Variants in SHPRH observed in about 807,000 individuals in gnomAD.
SHPRH encodes SNF2 histone linker PHD RING helicase, also known as E3 ubiquitin-protein ligase SHPRH.
In SHPRH, 106 loss-of-function variants were observed where a neutral mutation model predicts 202.5. The ratio of observed to expected loss-of-function variants is 0.52; its 90% confidence interval spans 0.45 to 0.62. SHPRH has a LOEUF of 0.62. Ranked by LOEUF, SHPRH falls within the 20% of genes least tolerant of loss-of-function variation. The pLI is 0.00. For missense variants in SHPRH, 1,710 were observed against 2,020.0 expected, an observed-to-expected ratio of 0.85 and a Z score of 2.94; for synonymous variants, 729 against 686.0, an observed-to-expected ratio of 1.06 and a Z score of -0.98.
At position 145,922,228 on chromosome 6, in the gene SHPRH, C is replaced by G. The variant is rs547333276; in HGVS notation, c.3782+58G>C. On this transcript the variant is annotated intron_variant, in intron 20 of 29. Transcript: ENST00000275233. ...GAAAACATAGTCTTATATCACATAA[C>G]TGAGTCTTGCAAAATGTTTCATTTT... 276 of 1,458,304 alleles carry G rather than the reference C, an allele frequency of 1.9e-4. 6 individuals are homozygous for G. In the South Asian group the frequency reaches 2.8e-3, roughly 15 times the overall value. The allele number at this position is 1,458,304 out of a possible 1,614,324, so 90.3% of individuals were successfully genotyped here.
In SHPRH at chr6:145,941,820, G is replaced by A; in HGVS notation, c.2293C>T (p.Gln765Ter). 6.2e-7 allele frequency: 1 copy of A among 1,613,892 alleles called. No individual in the cohort carries two copies. Among genetic ancestry groups the A allele is most frequent in the Non-Finnish European group, 8.5e-7 (1 of 1,179,914 alleles). The stretch of plus-strand genomic sequence containing the variant: ...TCATAGGTAATGATAACTATATCCT[G>A]TTCTGCCAAAAAATGAGGTTGTAAA... ...GFLQPHFLAE[Q>*]DIVIITYDVL... The change falls in exon 10 of 30, where the codon CAG (glutamine) becomes TAG (stop). Residue 765 changes from glutamine to a stop codon, truncating the protein, a stop_gained. Coordinates refer to ENST00000275233, the MANE Select transcript of SHPRH (RefSeq NM_001042683.3). LOFTEE classifies it high-confidence loss of function.
chr6:145,869,824 T>TC (rs1779973892), intron 2 of SHPRH, among the ~76,000 whole-genome samples: 1 of 151,108 alleles, frequency 6.6e-6, no homozygotes, highest in Non-Finnish European at 1.5e-5. Context: ...CTTTTCTTTT[T>TC]TTTTTTTTTG....
intron 24 of SHPRH, among the ~76,000 whole-genome samples, chr6:145,912,239 AG>A (rs1169656961): frequency 2.6e-5 from 4 of 151,940 alleles, no homozygotes; most frequent in Admixed American, 2.6e-4. Context: ...CTAAATTAGA[AG>A]GGGGGAGAAC....
chr6:145,862,834 A>C (rs867588562), downstream of SHPRH: 1 of 152,198 alleles, frequency 6.6e-6, no homozygotes, highest in Admixed American at 6.5e-5. Flanking sequence ...TCAAATTCTC[A>C]TAAGTGTCTT....
intron 29 of SHPRH, among the ~76,000 whole-genome samples, chr6:145,887,604 T>C (rs1382330588): frequency 6.6e-6 from 1 of 151,168 alleles, no homozygotes; most frequent in Non-Finnish European, 1.5e-5. Context: ...GGCACGATCT[T>C]GGCTCACTGC....
rs202183131 is a variant in SHPRH at position 145,935,363 on chromosome 6, G to C, written c.2648C>G (p.Pro883Arg). 5.6e-5 allele frequency: 91 copies of C among 1,613,982 alleles called. No individual in the cohort carries two copies. Among genetic ancestry groups the C allele is most frequent in the Non-Finnish European group, 3.1e-5 (36 of 1,179,990 alleles). The change falls in exon 12 of 30, where the codon CCT (proline) becomes CGT (arginine). Residue 883 changes from proline to arginine, a missense_variant. This residue lies in a region of SHPRH where 277 missense variants were observed against 363.0 expected (regional missense o/e 0.76). Coordinates refer to ENST00000275233, the MANE Select transcript of SHPRH (RefSeq NM_001042683.3). ...KHWWVRLLYR[P>R]YCKKNPQHLY... is the part of the protein sequence containing the mutation. ...ATGCTGAGGATTCTTCTTGCAGTAA[G>C]GCCGATAGAGAAGTCGAACCCACCA...
rs752876818 is a variant in SHPRH at position 145,886,386 on chromosome 6, A to G, written c.*305T>C. 22 of 726,000 alleles carry G rather than the reference A, an allele frequency of 3.0e-5. 1 individual carries two copies. Among genetic ancestry groups the G allele is most frequent in the South Asian group, 3.0e-4 (20 of 66,172 alleles). 45.0% of individuals were successfully genotyped at this position (726,000 alleles called of 1,614,324 possible). A position where few individuals can be genotyped will look rare whatever the true frequency, so the allele number is the denominator to read the frequency against. On this transcript the variant is annotated 3_prime_UTR_variant, in exon 30 of 30. Transcript: ENST00000275233. ...CAACTGTTTTATGAGTGATCTTATC[A>G]TAAGAAAAGTACACATTACCTCTCT...
In SHPRH at chr6:145,940,705, G is replaced by C; in HGVS notation, c.2569+18C>G. 6.2e-7 allele frequency: 1 copy of C among 1,611,482 alleles called. No homozygotes were observed. The highest frequency in any genetic ancestry group is 8.5e-7 in the Non-Finnish European group (1 of 1,178,062). Reference sequence around the variant, plus strand: ...AGCTTTTCAAATGCATGCAATATGTGAGGAAACCATACATTACCCTCTAAT... The same window carrying C: ...AGCTTTTCAAATGCATGCAATATGTCAGGAAACCATACATTACCCTCTAAT... On this transcript the variant is annotated intron_variant, in intron 11 of 29. Coordinates refer to ENST00000275233, the MANE Select transcript of SHPRH (RefSeq NM_001042683.3).
At chr6:145,868,233 A>G (rs1411382184) in intron 2 of SHPRH, among the ~76,000 whole-genome samples, 1 of 152,196 alleles carries the variant, frequency 6.6e-6, no homozygotes, top group Non-Finnish European at 1.5e-5. Flanking sequence ...ATATGACCTC[A>G]TTATACCTAA....
At chr6:145,888,469 C>G (rs1415159552) in intron 28 of SHPRH, among the ~76,000 whole-genome samples, 1 of 152,056 alleles carries the variant, frequency 6.6e-6, no homozygotes, top group Non-Finnish European at 1.5e-5. Context: ...GGGAATATGC[C>G]TGGAACAAGC....
chr6:145,915,338 T>C (rs1783857501), intron 23 of SHPRH, among the ~76,000 whole-genome samples: 1 of 151,704 alleles, frequency 6.6e-6, no homozygotes, highest in South Asian at 2.1e-4. Flanking sequence ...TTTTAAATAG[T>C]CAATATCCTT....
intron 19 of SHPRH, 129 bp downstream of exon 19, chr6:145,922,534 C>A: frequency 8.0e-7 from 1 of 1,253,380 alleles, no homozygotes; most frequent in Non-Finnish European, 1.1e-6. Context: ...TAGATTAATA[C>A]ATCTCTTTCT....
intron 2 of SHPRH, among the ~76,000 whole-genome samples, chr6:145,865,164 T>C (rs1779721494): frequency 6.6e-6 from 1 of 152,198 alleles, no homozygotes; most frequent in South Asian, 2.1e-4. Context: ...TTGCTATAGA[T>C]GGAATTATTT....
rs963007325 is a variant in SHPRH, at chr6:145,943,164, C to T, written c.2217G>A (p.Arg739=). 5 of 1,601,768 alleles carry T rather than the reference C, an allele frequency of 3.1e-6. No individual in the cohort carries two copies. In the Admixed American group the frequency reaches 5.1e-5, roughly 16 times the overall value. The change falls in exon 9 of 30, where the codon AGG becomes AGA. Residue 739 remains arginine, a synonymous_variant. Transcript: ENST00000275233. ...QWVDEINRHV[R]SSSLRVLVYQ... is the part of the protein sequence containing the mutation. ...TTACCAAGACTCGAAGAGATGACGA[C>T]CTCACATGCCTGTTGATCTCATCCA...
intron 21 of SHPRH, 88 bp from the exon 22 acceptor site, chr6:145,919,579 T>G: frequency 6.9e-7 from 1 of 1,455,144 alleles, no homozygotes; most frequent in Non-Finnish European, 9.3e-7. Flanking sequence ...GCAAAAGTCT[T>G]CAATGAGATC....
intron 28 of SHPRH, 66 bp from the exon 29 acceptor site, chr6:145,888,166 A>T: frequency 8.5e-7 from 1 of 1,179,046 alleles, no homozygotes. Flanking sequence ...AACCGACTTC[A>T]CATTTTATAT....
In SHPRH at chr6:145,913,504, T is replaced by C; in HGVS notation, c.4300A>G (p.Ile1434Val). ...TGTTTTCCTAGCTGTCGAGCACAGA[T>C]TGGGCAAGGTTCTGGATTAACACCT... ...SGGVNPEPCP[I>V]CARQLGKQWA... Residue 1434 changes from isoleucine (I) to valine (V), a missense_variant, in exon 24 of 30, where the codon ATC (isoleucine) becomes GTC (valine). Ile to Val is a conservative substitution (Grantham distance 29). Transcript: ENST00000275233. 4 of 1,610,632 alleles carry C rather than the reference T, an allele frequency of 2.5e-6. No homozygotes were observed. Among genetic ancestry groups the C allele is most frequent in the South Asian group, 1.1e-5 (1 of 90,490 alleles).
chr6:145,900,723 C>T (rs1583334432), intron 25 of SHPRH, among the ~76,000 whole-genome samples: 1 of 152,238 alleles, frequency 6.6e-6, no homozygotes, highest in South Asian at 2.1e-4. Context: ...ATAGCCTACA[C>T]ACATCCTTCT....
intron 2 of SHPRH, among the ~76,000 whole-genome samples, chr6:145,871,800 G>A (rs934284698): frequency 7.2e-5 from 11 of 152,014 alleles, no homozygotes; most frequent in African/African-American, 1.4e-4. Context: ...CAAACTATAC[G>A]ATAGGGCTAC....
Sources: allele counts gnomAD v4.1 joint callset (sites outside exome capture counted in the v4.1 genomes callset), GRCh38; gene constraint gnomAD v4.1.1; regional missense constraint gnomAD v4.1.1; transcripts MANE v1.5; gene names NCBI Gene and HGNC (gene_info 2026-07-23, HGNC 2026-07-21).